Variants in ITPKC observed in about 807,000 individuals in gnomAD.
The protein encoded by ITPKC is inositol-trisphosphate 3-kinase C.
Under a neutral mutation model 67.1 loss-of-function variants are expected in ITPKC, and 33 were observed. The ratio of observed to expected loss-of-function variants is 0.49; its 90% CI spans 0.37 to 0.66. ITPKC has a LOEUF of 0.66. Ranked by LOEUF, ITPKC falls within the 30% of genes least tolerant of loss-of-function variation. The pLI, the probability that ITPKC is intolerant of heterozygous loss-of-function variation, is 0.00. For synonymous variants in ITPKC, 341 were observed against 359.8 expected (o/e 0.95, Z 0.59); for missense variants, 820 against 892.1 (o/e 0.92, Z 1.03).
rs569997514 is a variant in ITPKC at position 40,739,893 on chromosome 19, T to C, written c.*333T>C. ...CATTCAGTTCACATGTCACAGGGTA[T>C]GGTGTGACAGGGTGCCTGTGGACAC... On this transcript the variant is annotated 3_prime_UTR_variant, in exon 7 of 7. Coordinates refer to ENST00000263370, the MANE Select transcript of ITPKC (RefSeq NM_025194.3). The C allele has an allele frequency of 3.4e-4, 117 of 340,542 alleles. 4 individuals carry two copies. In the South Asian group the frequency reaches 3.8e-3, roughly 11 times the overall value. The allele number at this position is 340,542 out of a possible 1,614,324, so 21.1% of individuals were successfully genotyped here. A position where few individuals can be genotyped will look rare whatever the true frequency, so the allele number is the denominator to read the frequency against.
chr19:40,718,699 T>C (rs2082206003), intron 1 of ITPKC, among the ~76,000 whole-genome samples: 1 of 152,172 alleles, frequency 6.6e-6, no homozygotes, highest in African/African-American at 2.4e-5. Context: ...GGGTGCACTT[T>C]CTACCCCACA....
Position 40,729,405 on chromosome 19 carries a change from A to G in ITPKC, c.1459A>G (p.Met487Val). The G allele has an allele frequency of 6.2e-7, 1 of 1,612,662 alleles. No individual in the cohort carries two copies. The highest frequency in any genetic ancestry group is 2.2e-5 in the East Asian group (1 of 44,852). Residue 487 changes from methionine (M) to valine (V), a missense_variant, in exon 3 of 7, where the codon ATG becomes GTG. Around this residue, in one of 2 missense-constraint regions of ITPKC, gnomAD observed 339 missense variants for 422.0 expected, o/e 0.80. Coordinates refer to ENST00000263370, the MANE Select transcript of ITPKC (RefSeq NM_025194.3). ...FEGPSIMDCK[M>V]GSRTYLEEEL... ...GGGCCCCTCCATTATGGACTGCAAG[A>G]TGGGCAGCAGGTGGGGCTGGGGCAG...
chr19:40,737,876 C>T (rs973265240), intron 6 of ITPKC, 107 bp downstream of exon 6: 62 of 874,752 alleles, frequency 7.1e-5, no homozygotes, highest in Middle Eastern at 2.9e-4. Flanking sequence ...AGGGGCTGGG[C>T]GTTGTGGCCC....
chr19:40,717,725 C>G lies in ITPKC; in HGVS notation c.590C>G (p.Thr197Ser), dbSNP rs373831391. Residue 197 changes from threonine to serine, a missense_variant, in exon 1 of 7, where the codon ACC (threonine) becomes AGC (serine). Thr to Ser is a moderately conservative substitution (Grantham distance 58). Coordinates refer to ENST00000263370, the MANE Select transcript of ITPKC (RefSeq NM_025194.3). ...RVKSWADNLW[T>S]HQNSSSLQTH... ...AAGTCCTGGGCTGATAACCTCTGGA[C>G]CCACCAGAACAGTTCCAGCCTCCAG... 92 of 1,613,862 alleles carry G rather than the reference C, an allele frequency of 5.7e-5. No homozygotes were observed. Among genetic ancestry groups the G allele is most frequent in the Admixed American group, 1.5e-4 (9 of 59,976 alleles).
rs2082280208 is a variant in ITPKC, at chr19:40,733,281, G to A, written c.1591G>A (p.Ala531Thr). The change falls in exon 4 of 7, where the codon GCA becomes ACA. Residue 531 changes from alanine to threonine, a missense_variant. By Grantham distance (58) the Ala-to-Thr change is moderately conservative (BLOSUM62 0). Transcript: ENST00000263370. ...APTPEEHAQG[A>T]VTKPRYMQWR... is the part of the protein sequence containing the mutation. Reference sequence around the variant, plus strand: ...TACCCCTGAGGAGCATGCCCAGGGTGCAGTCACCAAGCCCCGCTACATGCA... The same window carrying A: ...TACCCCTGAGGAGCATGCCCAGGGTACAGTCACCAAGCCCCGCTACATGCA... 6.2e-7 allele frequency: 1 copy of A among 1,613,998 alleles called. No homozygotes were observed. The highest frequency in any genetic ancestry group is 1.3e-5 in the African/African-American group (1 of 74,938).
intron 2 of ITPKC, among the ~76,000 whole-genome samples, chr19:40,726,799 T>G (rs1422709430): frequency 3.3e-5 from 5 of 152,178 alleles, no homozygotes; most frequent in Non-Finnish European, 4.4e-5. Context: ...TCTAGCACTT[T>G]GGGAGGCTGA....
In ITPKC at chr19:40,725,361, A is replaced by C; in HGVS notation, c.1177A>C (p.Lys393Gln). Reference protein sequence around the residue: ...RSGSKPWKKLKTVLKYSPFVV... With the variant: ...RSGSKPWKKLQTVLKYSPFVV... Reference sequence around the variant, plus strand: ...ACAGAGCAAACCCTGGAAGAAGCTGAAGACAGTTCTGAAGTATTCACCCTT... The same window carrying C: ...ACAGAGCAAACCCTGGAAGAAGCTGCAGACAGTTCTGAAGTATTCACCCTT... The change falls in exon 2 of 7, where the codon AAG (lysine) becomes CAG (glutamine). Residue 393 changes from lysine to glutamine, a missense_variant. This residue lies in a region of ITPKC where 339 missense variants were observed against 422.0 expected (regional missense o/e 0.80). Coordinates refer to ENST00000263370, the MANE Select transcript of ITPKC (RefSeq NM_025194.3). The C allele has an allele frequency of 6.2e-7, 1 of 1,613,866 alleles. No individual in the cohort carries two copies. Among genetic ancestry groups the C allele is most frequent in the Non-Finnish European group, 8.5e-7 (1 of 1,179,672 alleles).
chr19:40,723,456 C>T (rs2082231766), intron 1 of ITPKC, among the ~76,000 whole-genome samples: 1 of 151,682 alleles, frequency 6.6e-6, no homozygotes, highest in Non-Finnish European at 1.5e-5. Context: ...TTCTTTTCAT[C>T]ATTACTTTGT....
At chr19:40,738,725 C>T (rs935592839) in intron 6 of ITPKC, among the ~76,000 whole-genome samples, 6 of 152,168 alleles carry the variant, frequency 3.9e-5, no homozygotes, top group Admixed American at 1.3e-4. Context: ...GTCTTAAGCA[C>T]TTAATGTAGA....
chr19:40,739,349 C>G lies in ITPKC; in HGVS notation c.1849-8C>G. ...TCCTCCCTTAACCTCCCGTCTCTAC[C>G]CCGGCAGGTGGTAGGCAGCTCCCTC... is the stretch of plus-strand genomic sequence containing the variant. On this transcript the variant is annotated splice_polypyrimidine_tract_variant and splice_region_variant and intron_variant, in intron 6 of 6. Transcript: ENST00000263370. 1 of 1,611,914 alleles carries G rather than the reference C, an allele frequency of 6.2e-7. No individual in the cohort carries two copies. The highest frequency in any genetic ancestry group is 1.1e-5 in the South Asian group (1 of 91,002).
At chr19:40,725,966 C>T (rs1446920040) in intron 2 of ITPKC, among the ~76,000 whole-genome samples, 2 of 151,616 alleles carry the variant, frequency 1.3e-5, no homozygotes, top group African/African-American at 2.4e-5. Flanking sequence ...ATTGGCTGGG[C>T]GCAGTGGCTC....
rs144201785 is a variant in ITPKC, at chr19:40,733,380, C to T, written c.1674+16C>T. The T allele has an allele frequency of 3.3e-4, 524 of 1,594,532 alleles. 6 individuals carry two copies. In the East Asian group the frequency reaches 0.012, roughly 35 times the overall value. ...GGGCATCAAGGTGAGGACCAGGAAC[C>T]GCCTGGCCTGTCCCGGGAAGGCCTA... is the stretch of plus-strand genomic sequence containing the variant. On this transcript the variant is annotated intron_variant, in intron 4 of 6. Transcript: ENST00000263370.
At chr19:40,726,869 T>C (rs552941915) in intron 2 of ITPKC, among the ~76,000 whole-genome samples, 30 of 151,554 alleles carry the variant, frequency 2.0e-4, no homozygotes, top group African/African-American at 5.3e-4. Flanking sequence ...TAGTGAGACC[T>C]TGTCTCTACG....
chr19:40,717,759 A>G lies in ITPKC; in HGVS notation c.624A>G (p.Pro208=), dbSNP rs754954802. ...ACAGTTCCAGCCTCCAGACTCACCC[A>G]GAAGGAGCCTGTCCCTCAAAAGAGC... The part of the protein sequence containing the change: ...HQNSSSLQTH[P]EGACPSKEPS... Residue 208 remains proline, a synonymous_variant, in exon 1 of 7, where the codon CCA becomes CCG. Coordinates refer to ENST00000263370, the MANE Select transcript of ITPKC (RefSeq NM_025194.3). The G allele has an allele frequency of 2.5e-6, 4 of 1,613,866 alleles. No individual in the cohort carries two copies. Among genetic ancestry groups the G allele is most frequent in the Non-Finnish European group, 3.4e-6 (4 of 1,179,938 alleles).
intron 2 of ITPKC, among the ~76,000 whole-genome samples, chr19:40,727,551 C>T (rs999990615): frequency 6.6e-6 from 1 of 152,128 alleles, no homozygotes. Context: ...CTGGAGGCTA[C>T]AAGCTGAAAA....
intron 2 of ITPKC, 111 bp downstream of exon 2, chr19:40,725,550 A>G: frequency 1.3e-6 from 1 of 768,036 alleles, no homozygotes; most frequent in East Asian, 2.4e-5. Flanking sequence ...GACAGTCCCC[A>G]CCTTATGGGA....
intron 3 of ITPKC, among the ~76,000 whole-genome samples, chr19:40,730,902 T>G (rs1378314638): frequency 1.3e-5 from 2 of 152,014 alleles, no homozygotes; most frequent in Non-Finnish European, 2.9e-5. Flanking sequence ...GTCCTCCAAT[T>G]CAAGTCTAAA....
chr19:40,737,643 G>T (rs764066908), intron 5 of ITPKC, 55 bp from the exon 6 acceptor site: 161 of 1,496,064 alleles, frequency 1.1e-4, no homozygotes, highest in Non-Finnish European at 1.4e-4. Context: ...AGCTCAAGGT[G>T]GGCAAGGCCC....
intron 2 of ITPKC, among the ~76,000 whole-genome samples, chr19:40,726,299 C>G (rs2082246325): frequency 1.3e-5 from 2 of 152,096 alleles, no homozygotes; most frequent in Non-Finnish European, 2.9e-5. Flanking sequence ...CACTCCTTGC[C>G]TTCTCCGCGT....
Sources: allele counts gnomAD v4.1 joint callset (sites outside exome capture counted in the v4.1 genomes callset), GRCh38; gene constraint gnomAD v4.1.1; regional missense constraint gnomAD v4.1.1; transcripts MANE v1.5; gene names NCBI Gene and HGNC (gene_info 2026-07-23, HGNC 2026-07-21).